Variants in CCSER1 observed in about 807,000 individuals in gnomAD.
The protein encoded by CCSER1 is coiled-coil serine rich protein 1.
A neutral mutation model predicts 82.0 loss-of-function variants in CCSER1; 41 were observed. That is an observed-to-expected ratio of 0.50 (90% CI 0.39 to 0.65). CCSER1 has a LOEUF of 0.65. CCSER1 is among the 30% of genes least tolerant of loss of function. The pLI, the probability that CCSER1 is intolerant of heterozygous loss-of-function variation, is 0.00. For missense variants in CCSER1, 1,119 were observed against 1,064.2 expected (o/e 1.05, Z -0.72); for synonymous variants, 414 against 383.9 (o/e 1.08, Z -0.92).
At chr4:90,642,451 A>G (rs993680685) in intron 6 of CCSER1, 4 of 152,220 alleles carry the variant, frequency 2.6e-5, no homozygotes, top group Non-Finnish European at 4.4e-5. Flanking sequence ...TAACCTTGAT[A>G]AAATTGAAAA....
chr4:90,700,558 T>C (rs577572458), intron 6 of CCSER1, among the ~76,000 whole-genome samples: 3 of 151,964 alleles, frequency 2.0e-5, no homozygotes, highest in Non-Finnish European at 4.4e-5. Context: ...CTTGAGGAAT[T>C]GCCACACTGT....
At chr4:91,268,045 G>T (rs544740340) in intron 10 of CCSER1, among the ~76,000 whole-genome samples, 2 of 152,102 alleles carry the variant, frequency 1.3e-5, no homozygotes, top group African/African-American at 4.8e-5. Flanking sequence ...GTAAAGCTAA[G>T]TCTATCTCAG....
chr4:91,121,714 A>G, intron 10 of CCSER1, among the ~76,000 whole-genome samples: 1 of 151,594 alleles, frequency 6.6e-6, no homozygotes, highest in African/African-American at 2.4e-5. Flanking sequence ...ATAATTTTTT[A>G]AAATGTAATA....
intron 10 of CCSER1, among the ~76,000 whole-genome samples, chr4:91,581,082 C>G (rs972274690): frequency 6.6e-6 from 1 of 151,682 alleles, no homozygotes. Flanking sequence ...ACTTCACCAA[C>G]AGACCTCCTG....
At chr4:91,178,185 A>G (rs1382775273) in intron 10 of CCSER1, among the ~76,000 whole-genome samples, 2 of 152,140 alleles carry the variant, frequency 1.3e-5, no homozygotes, top group Non-Finnish European at 2.9e-5. Flanking sequence ...ACAATTTGTT[A>G]TAATTTCTGT....
At chr4:91,442,591 G>A (rs1755251750) in intron 10 of CCSER1, among the ~76,000 whole-genome samples, 1 of 137,944 alleles carries the variant, frequency 7.2e-6, no homozygotes, top group African/African-American at 2.7e-5. Flanking sequence ...AACACCAAAA[G>A]CAATGGCAAC....
rs137872351 is a variant in CCSER1, at chr4:90,517,886, G to A, written c.1724+49532G>A. 2.1e-3 allele frequency among the ~76,000 whole-genome samples: 312 copies of A among 152,010 alleles called. 1 individual carries two copies. Among genetic ancestry groups the A allele is most frequent in the Middle Eastern group, 6.8e-3 (2 of 294 alleles). On this transcript the variant is annotated intron_variant, in intron 5 of 10. Transcript: ENST00000509176. Reference sequence around the variant, plus strand: ...GAATCAGATTAATCATCCTGGCTTTGATTTTTGCCTCACTCCAAAACCATG... The same window carrying A: ...GAATCAGATTAATCATCCTGGCTTTAATTTTTGCCTCACTCCAAAACCATG...
At chr4:90,821,634 T>C (rs1452442343) in intron 8 of CCSER1, among the ~76,000 whole-genome samples, 1 of 152,042 alleles carries the variant, frequency 6.6e-6, no homozygotes, top group Non-Finnish European at 1.5e-5. Context: ...CTAAACATAA[T>C]AGCTAAACGT....
chr4:90,972,444 AAACTT>A (rs1438403575), intron 9 of CCSER1, among the ~76,000 whole-genome samples: 1 of 151,858 alleles, frequency 6.6e-6, no homozygotes, highest in East Asian at 1.9e-4. Context: ...GAAATAAAAA[AAACTT>A]AAGAATAAAT....
chr4:91,040,621 G>A (rs1204097792), intron 9 of CCSER1, among the ~76,000 whole-genome samples: 1 of 152,156 alleles, frequency 6.6e-6, no homozygotes, highest in Non-Finnish European at 1.5e-5. Context: ...GCTGTGTTGA[G>A]GCTCATCAGT....
intron 5 of CCSER1, among the ~76,000 whole-genome samples, chr4:90,556,173 A>T (rs1436716705): frequency 1.3e-5 from 2 of 152,136 alleles, no homozygotes; most frequent in Admixed American, 6.5e-5. Flanking sequence ...TGAATTACTC[A>T]TCTGAATGTA....
In CCSER1 at chr4:91,459,971, T is replaced by C. The variant is rs542557351; in HGVS notation, c.2218-138601T>C. On this transcript the variant is annotated intron_variant, in intron 10 of 10. Coordinates refer to ENST00000509176, the MANE Select transcript of CCSER1 (RefSeq NM_001145065.2). ...AAAAGCCTAAGAGATAGAAATATCA[T>C]AGCAACTCAGCCACTGGCAGTGGCA... Among the ~76,000 whole-genome samples the C allele has an allele frequency of 4.6e-5, 7 of 152,200 alleles. No individual in the cohort carries two copies. In the East Asian group the frequency reaches 9.7e-4, roughly 21 times the overall value.
At chr4:91,196,656 C>T (rs1483103720) in intron 10 of CCSER1, among the ~76,000 whole-genome samples, 3 of 152,124 alleles carry the variant, frequency 2.0e-5, no homozygotes, top group Non-Finnish European at 4.4e-5. Flanking sequence ...ATAAATTGAT[C>T]ATTTGGTGAT....
At chr4:90,426,993 C>G (rs562549185) in intron 4 of CCSER1, among the ~76,000 whole-genome samples, 9 of 152,088 alleles carry the variant, frequency 5.9e-5, no homozygotes, top group Non-Finnish European at 1.3e-4. Context: ...AATGATATAT[C>G]TGCAGGAAAT....
intron 7 of CCSER1, among the ~76,000 whole-genome samples, chr4:90,752,270 C>A (rs1432685370): frequency 1.3e-5 from 2 of 152,100 alleles, no homozygotes; most frequent in African/African-American, 4.8e-5. Context: ...AAAACTCATG[C>A]CTGTAAGTAC....
chr4:90,957,253 C>CG (rs58828538), intron 9 of CCSER1, among the ~76,000 whole-genome samples: 2 of 146,142 alleles, frequency 1.4e-5, no homozygotes, highest in East Asian at 2.0e-4. Flanking sequence ...AGGCCCCCCC[C>CG]ACCACGTCCA....
At chr4:90,594,800 G>A (rs914795579) in intron 5 of CCSER1, among the ~76,000 whole-genome samples, 3 of 151,924 alleles carry the variant, frequency 2.0e-5, no homozygotes, top group Admixed American at 6.6e-5. Context: ...GAAAATACAT[G>A]AGACAAGTGA....
intron 3 of CCSER1, among the ~76,000 whole-genome samples, chr4:90,340,296 T>G: frequency 6.6e-6 from 1 of 152,196 alleles, no homozygotes. Context: ...CAAATATATC[T>G]ATTCTAAAGC....
chr4:90,733,848 G>A (rs182073963), intron 7 of CCSER1, among the ~76,000 whole-genome samples: 1 of 151,964 alleles, frequency 6.6e-6, no homozygotes, highest in Admixed American at 6.6e-5. Context: ...GTATAGATTT[G>A]TTTCTGGGTT....
Sources: allele counts gnomAD v4.1 joint callset (sites outside exome capture counted in the v4.1 genomes callset), GRCh38; gene constraint gnomAD v4.1.1; transcripts MANE v1.5; gene names NCBI Gene and HGNC (gene_info 2026-07-23, HGNC 2026-07-21).